The following PCSK1 variants were observed in gnomAD, a reference collection of about 807,000 sequenced individuals.
PCSK1 encodes proprotein convertase subtilisin/kexin type 1.
A neutral mutation model predicts 90.6 loss-of-function variants in PCSK1; 56 were observed. That is an observed-to-expected ratio of 0.62 (90% confidence interval 0.50 to 0.77). The LOEUF is 0.77. Ranked by LOEUF, PCSK1 falls within the 30% of genes least tolerant of loss-of-function variation. PCSK1 has a pLI of 0.00. For synonymous variants in PCSK1, 348 were observed against 342.4 expected, an observed-to-expected ratio of 1.02 and a Z score of -0.18; for missense variants, 801 against 932.6, an observed-to-expected ratio of 0.86 and a Z score of 1.84.
chr5:96,417,544 A>G (rs554304320), intron 5 of PCSK1, among the ~76,000 whole-genome samples: 3 of 152,084 alleles, frequency 2.0e-5, no homozygotes, highest in South Asian at 4.2e-4. Context: ...CATGTGAGTC[A>G]TATGGGTCTT....
chr5:96,411,664 G>A (rs566705931), intron 7 of PCSK1, among the ~76,000 whole-genome samples: 23 of 152,292 alleles, frequency 1.5e-4, no homozygotes, highest in African/African-American at 5.3e-4. Context: ...AGAAGACTGA[G>A]TAGTTTTTTA....
At position 96,397,362 on chromosome 5, in the gene PCSK1, T is replaced by C; in HGVS notation, c.1696A>G (p.Thr566Ala). 6.2e-7 allele frequency: 1 copy of C among 1,612,788 alleles called. No homozygotes were observed. Among genetic ancestry groups the C allele is most frequent in the Non-Finnish European group, 8.5e-7 (1 of 1,178,790 alleles). The part of the protein sequence containing the change: ...VHTWGENPIG[T>A]WTLRITDMSG... Reference sequence around the variant, plus strand: ...ATGTCTGTAATTCTCAAAGTCCAAGTACCTATAGGGTTCTCTCCCCATGTG... The same window carrying C: ...ATGTCTGTAATTCTCAAAGTCCAAGCACCTATAGGGTTCTCTCCCCATGTG... The change falls in exon 12 of 14, where the codon ACT (threonine) becomes GCT (alanine). Residue 566 changes from threonine to alanine, a missense_variant. Transcript: ENST00000311106.
chr5:96,422,382 C>T (rs763737410), intron 4 of PCSK1, among the ~76,000 whole-genome samples: 1 of 152,130 alleles, frequency 6.6e-6, no homozygotes, highest in Non-Finnish European at 1.5e-5. Context: ...AAAGAAGTGG[C>T]TGAGGGTGGG....
rs145573549 is a variant in PCSK1, at chr5:96,393,605, A to C, written c.1885-227T>G. On this transcript the variant is annotated intron_variant, in intron 13 of 13. Transcript: ENST00000311106. ...TTAATCTCCCTCAACTTCACCTGTC[A>C]GGTGGAATAAGAGTACCTCCATTTG... is the stretch of plus-strand genomic sequence containing the variant. 4.0e-3 allele frequency among the ~76,000 whole-genome samples: 615 copies of C among 152,288 alleles called. 3 individuals carry two copies. Among genetic ancestry groups the C allele is most frequent in the African/African-American group, 0.014 (589 of 41,554 alleles).
intron 6 of PCSK1, among the ~76,000 whole-genome samples, chr5:96,414,531 T>A (rs953567018): frequency 6.6e-6 from 1 of 152,132 alleles, no homozygotes; most frequent in Non-Finnish European, 1.5e-5. Context: ...TGACATACAA[T>A]AGGTGCCTAA....
chr5:96,399,432 T>C (rs562326364), intron 10 of PCSK1, among the ~76,000 whole-genome samples: 1 of 152,274 alleles, frequency 6.6e-6, no homozygotes, highest in South Asian at 2.1e-4. Flanking sequence ...AAAACACTCC[T>C]AGTAGAAATT....
chr5:96,414,137 T>TAAAAAAAAAA (rs564573961), intron 6 of PCSK1, among the ~76,000 whole-genome samples: 1 of 124,758 alleles, frequency 8.0e-6, no homozygotes, highest in African/African-American at 3.1e-5. Flanking sequence ...AGACTCTGTC[T>TAAAAAAAAAA]AAAAAAAAAA....
At chr5:96,431,837 C>T (rs892080786) in intron 1 of PCSK1, among the ~76,000 whole-genome samples, 1 of 152,112 alleles carries the variant, frequency 6.6e-6, no homozygotes, top group East Asian at 1.9e-4. Flanking sequence ...TTACAACTGC[C>T]TCCTCCCACG....
At chr5:96,406,114 A>G (rs960048108) in intron 9 of PCSK1, among the ~76,000 whole-genome samples, 16 of 152,126 alleles carry the variant, frequency 1.1e-4, no homozygotes, top group African/African-American at 3.6e-4. Context: ...GACATTTTCA[A>G]TCTCAACTCT....
At chr5:96,416,821 T>C (rs910370756) in intron 5 of PCSK1, among the ~76,000 whole-genome samples, 8 of 152,238 alleles carry the variant, frequency 5.3e-5, no homozygotes, top group African/African-American at 1.7e-4. Flanking sequence ...GGGTAATTTA[T>C]GATTTCAGAG....
At chr5:96,429,919 A>G (rs80245583) in intron 1 of PCSK1, among the ~76,000 whole-genome samples, 3,757 of 152,294 alleles carry the variant, frequency 0.025, 154 homozygotes, top group African/African-American at 0.086. Flanking sequence ...ATGTGTGACA[A>G]TATCATATTA....
In PCSK1 at chr5:96,400,099, C is replaced by G. The variant is rs759552679; in HGVS notation, c.1284G>C (p.Lys428Asn). 1 of 1,614,172 alleles carries G rather than the reference C, an allele frequency of 6.2e-7. No individual in the cohort carries two copies. Among genetic ancestry groups the G allele is most frequent in the Non-Finnish European group, 8.5e-7 (1 of 1,180,008 alleles). ...TATTCACCATCAAGCCTGCTCCATT[C>G]TTTTTCCATCCAGGGTTATTGGCCA... ...DPLANNPGWK[K>N]NGAGLMVNSR... is the part of the protein sequence containing the mutation. The change falls in exon 10 of 14, where the codon AAG becomes AAC. Residue 428 changes from lysine to asparagine, a missense_variant. Physicochemically the swap from Lys to Asn is moderately conservative, Grantham distance 94. Transcript: ENST00000311106.
Position 96,400,149 on chromosome 5 carries a change from C to T in PCSK1, c.1234G>A (p.Val412Ile). 1 of 1,614,142 alleles carries T rather than the reference C, an allele frequency of 6.2e-7. No homozygotes were observed. The highest frequency in any genetic ancestry group is 8.5e-7 in the Non-Finnish European group (1 of 1,179,984). ...AGCGGGTCATACTCAGAGGTCCAGA[C>T]AACCAGGTGCTGCATATCTCGCCAG... ...LTWRDMQHLV[V>I]WTSEYDPLAN... The change falls in exon 10 of 14, where the codon GTC (valine) becomes ATC (isoleucine). Residue 412 changes from valine to isoleucine, a missense_variant. Physicochemically the swap from Val to Ile is conservative, Grantham distance 29 (BLOSUM62 3). Transcript: ENST00000311106.
chr5:96,395,400 CT>C (rs780152909), intron 12 of PCSK1, among the ~76,000 whole-genome samples: 4 of 152,190 alleles, frequency 2.6e-5, no homozygotes, highest in South Asian at 2.1e-4. Context: ...TAAACAACCT[CT>C]AGCATTAATA....
At chr5:96,410,454 A>G (rs1330645486) in intron 8 of PCSK1, among the ~76,000 whole-genome samples, 1 of 152,114 alleles carries the variant, frequency 6.6e-6, no homozygotes, top group African/African-American at 2.4e-5. Flanking sequence ...GATCTCCTTT[A>G]AGGCTGTTTC....
rs1272686441 is a variant in PCSK1, at chr5:96,419,445, C to CCA, written c.620+2434_620+2435insTG. ...TCTCTCTCTCTCTCTCCCTCTCTCTCTCTATATATATATACACTCACTTAA... is the reference window on the plus strand; with the variant it reads ...TCTCTCTCTCTCTCTCCCTCTCTCTCCATCTATATATATATACACTCACTTAA... On this transcript the variant is annotated intron_variant, in intron 5 of 13. Transcript: ENST00000311106. Among the ~76,000 whole-genome samples the CCA allele has an allele frequency of 9.1e-3, 1,360 of 149,524 alleles. 27 individuals carry two copies. The highest frequency in any genetic ancestry group is 0.032 in the African/African-American group (1,300 of 40,760).
intron 9 of PCSK1, among the ~76,000 whole-genome samples, chr5:96,405,868 G>A (rs1212765981): frequency 6.6e-6 from 1 of 152,168 alleles, no homozygotes; most frequent in Non-Finnish European, 1.5e-5. Flanking sequence ...GCTAGGCACG[G>A]CTAGTTATAT....
Position 96,391,354 on chromosome 5 carries a change from C to T in PCSK1, c.*1647G>A, listed in dbSNP as rs1012939596. Reference sequence around the variant, plus strand: ...CATGAATTACCTTATGAAGTTCAAACTTCATGGAAAAATTGCAAACAGCAA... The same window carrying T: ...CATGAATTACCTTATGAAGTTCAAATTTCATGGAAAAATTGCAAACAGCAA... On this transcript the variant is annotated 3_prime_UTR_variant, in exon 14 of 14. Transcript: ENST00000311106. The T allele has an allele frequency of 6.6e-6, 1 of 152,184 alleles. No homozygotes were observed. Among genetic ancestry groups the T allele is most frequent in the African/African-American group, 2.4e-5 (1 of 41,446 alleles). 9.4% of individuals were successfully genotyped at this position (152,184 alleles called of 1,614,324 possible).
Position 96,412,468 on chromosome 5 carries a change from A to G in PCSK1, c.732T>C (p.Ile244=). The G allele has an allele frequency of 3.7e-6, 6 of 1,614,154 alleles. No homozygotes were observed. Among genetic ancestry groups the G allele is most frequent in the Non-Finnish European group, 4.2e-6 (5 of 1,180,008 alleles). Residue 244 remains isoleucine, a synonymous_variant, in exon 7 of 14, where the codon ATT becomes ATC. Transcript: ENST00000311106. ...AACTGGCCTCAATAGCATCCGTCAC[A>G]ATGCCATCCAGCATTCTTATGCCTG... ...KVGGIRMLDG[I]VTDAIEASSI...
Sources: allele counts gnomAD v4.1 joint callset (sites outside exome capture counted in the v4.1 genomes callset), GRCh38; gene constraint gnomAD v4.1.1; transcripts MANE v1.5; gene names NCBI Gene and HGNC (gene_info 2026-07-23, HGNC 2026-07-21).